The following RBFOX1 variants were observed in gnomAD, a reference collection of about 807,000 sequenced individuals.
RBFOX1 encodes RNA binding fox-1 homolog 1.
In RBFOX1, 8 loss-of-function variants were observed where a neutral mutation model predicts 57.7. The observed-to-expected ratio is 0.14, with a 90% CI of 0.08 to 0.25. The LOEUF (loss-of-function observed/expected upper bound fraction) is 0.25. Among genes scored for constraint, RBFOX1 ranks in the 10% least tolerant of loss-of-function variants. The pLI is 1.00. For missense variants in RBFOX1, 611 were observed against 548.5 expected (o/e 1.11, Z -1.14); for synonymous variants, 326 against 222.4 (o/e 1.47, Z -4.15).
At chr16:5,991,525 C>T (rs1596358362) in intron 4 of RBFOX1, among the ~76,000 whole-genome samples, 1 of 152,138 alleles carries the variant, frequency 6.6e-6, no homozygotes, top group Non-Finnish European at 1.5e-5. Flanking sequence ...TTGATAAGGA[C>T]CATGCATCGT....
At chr16:7,701,889 A>ATGTTAATGCTT (rs2080856628) in intron 14 of RBFOX1, among the ~76,000 whole-genome samples, 1 of 152,206 alleles carries the variant, frequency 6.6e-6, no homozygotes, top group Non-Finnish European at 1.5e-5. Flanking sequence ...CCAAGTAGTT[A>ATGTTAATGCTT]TGTTAATGCT....
At chr16:6,727,222 C>G (rs1425115995) in intron 3 of RBFOX1, among the ~76,000 whole-genome samples, 13 of 152,158 alleles carry the variant, frequency 8.5e-5, no homozygotes, top group South Asian at 4.2e-4. Flanking sequence ...ATCCCTCAAC[C>G]TGCAGACTGG....
chr16:6,673,012 A>G (rs574206640), intron 3 of RBFOX1, among the ~76,000 whole-genome samples: 10 of 152,310 alleles, frequency 6.6e-5, no homozygotes, highest in African/African-American at 2.2e-4. Context: ...TGCTAACAAT[A>G]TGGAACCACA....
intron 2 of RBFOX1, among the ~76,000 whole-genome samples, chr16:5,532,998 C>T (rs969241307): frequency 6.6e-6 from 1 of 152,076 alleles, no homozygotes; most frequent in Admixed American, 6.6e-5. Context: ...ATAAATTATA[C>T]CCTCCTAATT....
chr16:7,601,670 A>C (rs1370440588), intron 9 of RBFOX1, among the ~76,000 whole-genome samples: 2 of 152,154 alleles, frequency 1.3e-5, no homozygotes, highest in East Asian at 1.9e-4. Context: ...AAGATCTCAA[A>C]CATTTAATCT....
intron 3 of RBFOX1, among the ~76,000 whole-genome samples, chr16:6,840,897 A>AAAGAAAAAAG (rs1555518569): frequency 1.5e-5 from 2 of 137,498 alleles, no homozygotes; most frequent in African/African-American, 5.7e-5. Context: ...CAAAAAAAAA[A>AAAGAAAAAAG]AAAAAAACGA....
chr16:6,324,968 C>T (rs769457490), intron 2 of RBFOX1, among the ~76,000 whole-genome samples: 1 of 152,130 alleles, frequency 6.6e-6, no homozygotes, highest in Non-Finnish European at 1.5e-5. Context: ...AGGTTTGCAA[C>T]TAAATCAGTA....
chr16:6,913,590 A>G (rs1196943466), intron 3 of RBFOX1, among the ~76,000 whole-genome samples: 1 of 152,136 alleles, frequency 6.6e-6, no homozygotes, highest in East Asian at 1.9e-4. Context: ...AGTCGGTAGC[A>G]TCCCCAAGCT....
intron 3 of RBFOX1, among the ~76,000 whole-genome samples, chr16:6,973,142 A>G (rs1009915922): frequency 2.0e-5 from 3 of 151,988 alleles, no homozygotes; most frequent in South Asian, 2.1e-4. Context: ...TAAATAAATT[A>G]AAAATTTAAA....
At chr16:5,790,121 C>T (rs1294613527) in intron 3 of RBFOX1, among the ~76,000 whole-genome samples, 1 of 152,212 alleles carries the variant, frequency 6.6e-6, no homozygotes, top group Admixed American at 6.5e-5. Context: ...AGCATTTGAC[C>T]TCCAAGGGAA....
chr16:6,910,891 C>T (rs73541186), intron 3 of RBFOX1, among the ~76,000 whole-genome samples: 2,872 of 152,182 alleles, frequency 0.019, 96 homozygotes, highest in African/African-American at 0.065. Context: ...GCCTTCCTTG[C>T]TAATCTCTGT....
intron 3 of RBFOX1, among the ~76,000 whole-genome samples, chr16:6,679,666 T>C (rs1178204579): frequency 6.6e-6 from 1 of 152,198 alleles, no homozygotes; most frequent in African/African-American, 2.4e-5. Context: ...AAAACACCTG[T>C]ATAAAGCATA....
At chr16:6,710,400 G>A (rs541860424) in intron 3 of RBFOX1, among the ~76,000 whole-genome samples, 170 of 152,178 alleles carry the variant, frequency 1.1e-3, no homozygotes, top group Non-Finnish European at 2.0e-3. Context: ...TCATTTCAGC[G>A]TGTGATCAAT....
chr16:5,585,446 CTT>C (rs768537428), intron 2 of RBFOX1, among the ~76,000 whole-genome samples: 1 of 152,114 alleles, frequency 6.6e-6, no homozygotes, highest in Non-Finnish European at 1.5e-5. Context: ...TTTGGGCTCT[CTT>C]GGGATTTTTA....
At chr16:6,099,918 T>A (rs960403210) in intron 1 of RBFOX1, among the ~76,000 whole-genome samples, 4 of 152,118 alleles carry the variant, frequency 2.6e-5, no homozygotes, top group Admixed American at 2.0e-4. Context: ...TAGCAAACAA[T>A]AAAATGGGTA....
chr16:7,359,364 G>A (rs914368221), intron 4 of RBFOX1, among the ~76,000 whole-genome samples: 5 of 150,510 alleles, frequency 3.3e-5, no homozygotes, highest in African/African-American at 1.2e-4. Context: ...ATCTAATTGT[G>A]TGTATATCTG....
chr16:6,556,521 C>A (rs543258241), intron 2 of RBFOX1, among the ~76,000 whole-genome samples: 5 of 152,144 alleles, frequency 3.3e-5, no homozygotes, highest in Non-Finnish European at 7.3e-5. Flanking sequence ...CATTAAGGCC[C>A]ACAGACAATG....
At chr16:5,956,900 C>G (rs1007182007) in intron 4 of RBFOX1, among the ~76,000 whole-genome samples, 1 of 150,102 alleles carries the variant, frequency 6.7e-6, no homozygotes, top group African/African-American at 2.5e-5. Flanking sequence ...GTCTCCTGGT[C>G]TCCAGCAATC....
chr16:5,289,665 G>C (rs1445445931), intron 1 of RBFOX1, among the ~76,000 whole-genome samples: 3 of 152,194 alleles, frequency 2.0e-5, no homozygotes, highest in Non-Finnish European at 4.4e-5. Flanking sequence ...TGGACCCTGA[G>C]GGTCTAGGGG....
Sources: allele counts gnomAD v4.1 joint callset (sites outside exome capture counted in the v4.1 genomes callset), GRCh38; gene constraint gnomAD v4.1.1; transcripts MANE v1.5; gene names NCBI Gene and HGNC (gene_info 2026-07-23, HGNC 2026-07-21).